PPP1R9A: variants seen among roughly 807,000 people sequenced by gnomAD.
The protein encoded by PPP1R9A is protein phosphatase 1 regulatory subunit 9A.
A neutral mutation model predicts 141.9 loss-of-function variants in PPP1R9A; 59 were observed. That is an observed-to-expected ratio of 0.42 (90% CI 0.34 to 0.52). The LOEUF is 0.52. Among genes scored for constraint, PPP1R9A ranks in the 20% least tolerant of loss-of-function variants. The probability of loss-of-function intolerance (pLI) is 0.10; values close to 1 mark genes in which losing one functional copy is unlikely to be tolerated. For missense variants in PPP1R9A, 1,444 were observed against 1,611.9 expected (o/e 0.90, Z 1.78); for synonymous variants, 500 against 569.7 (o/e 0.88, Z 1.74).
chr7:95,215,224 G>GT (rs1184766585), intron 7 of PPP1R9A, among the ~76,000 whole-genome samples: 36 of 147,200 alleles, frequency 2.4e-4, no homozygotes, highest in Admixed American at 1.3e-3. Flanking sequence ...TGCGGTGTTT[G>GT]TTTTTTTTGT....
chr7:95,268,826 A>G, intron 13 of PPP1R9A, 119 bp downstream of exon 13: 3 of 1,188,984 alleles, frequency 2.5e-6, no homozygotes, highest in Non-Finnish European at 3.5e-6. Context: ...GTAAGCAGCT[A>G]GAATAGTTCA....
intron 5 of PPP1R9A, among the ~76,000 whole-genome samples, chr7:95,180,688 A>T (rs1218725743): frequency 6.6e-6 from 1 of 152,082 alleles, no homozygotes; most frequent in Non-Finnish European, 1.5e-5. Flanking sequence ...CAAGAAAAAA[A>T]ATCCCATCAA....
intron 2 of PPP1R9A, among the ~76,000 whole-genome samples, chr7:94,945,615 G>A (rs974709291): frequency 2.0e-5 from 3 of 151,960 alleles, no homozygotes; most frequent in African/African-American, 7.2e-5. Context: ...CTATTACAGT[G>A]TATCAGTTGA....
At chr7:94,930,556 C>T (rs897752567) in intron 2 of PPP1R9A, among the ~76,000 whole-genome samples, 9 of 152,124 alleles carry the variant, frequency 5.9e-5, no homozygotes, top group African/African-American at 2.2e-4. Context: ...TCAGGCCAGT[C>T]TCCAACTCCT....
intron 16 of PPP1R9A, 46 bp downstream of exon 16, chr7:95,274,214 T>G (rs749281550): frequency 6.9e-7 from 1 of 1,447,674 alleles, no homozygotes; most frequent in African/African-American, 1.4e-5. Context: ...TACCTAAACT[T>G]TCTGGCCCCC....
intron 2 of PPP1R9A, among the ~76,000 whole-genome samples, chr7:95,026,465 G>T (rs1286736805): frequency 6.6e-6 from 1 of 152,100 alleles, no homozygotes; most frequent in African/African-American, 2.4e-5. Flanking sequence ...GTCCTAGAGG[G>T]GCACCCTCCA....
chr7:95,039,381 C>T (rs1584396404), intron 2 of PPP1R9A, among the ~76,000 whole-genome samples: 1 of 151,868 alleles, frequency 6.6e-6, no homozygotes, highest in East Asian at 2.0e-4. Flanking sequence ...CCAGGCTGGC[C>T]AACATGGTGA....
chr7:95,269,610 AATTAAT>A (rs1474646963), intron 14 of PPP1R9A, 103 bp downstream of exon 14: 4 of 830,764 alleles, frequency 4.8e-6, no homozygotes, highest in Admixed American at 3.3e-5. Context: ...CATAGCTAAT[AATTAAT>A]ATTAATTTCT....
intron 5 of PPP1R9A, among the ~76,000 whole-genome samples, chr7:95,181,573 A>G (rs1044752618): frequency 1.4e-5 from 2 of 138,994 alleles, no homozygotes; most frequent in African/African-American, 5.2e-5. Flanking sequence ...ATATATATAT[A>G]TTCCATCACA....
chr7:95,066,462 A>C (rs1054457813), intron 2 of PPP1R9A, among the ~76,000 whole-genome samples: 1 of 152,214 alleles, frequency 6.6e-6, no homozygotes, highest in Non-Finnish European at 1.5e-5. Context: ...AAATGGGAGT[A>C]GAAGAGAATG....
intron 5 of PPP1R9A, among the ~76,000 whole-genome samples, chr7:95,192,868 A>G (rs1835707281): frequency 6.6e-6 from 1 of 152,070 alleles, no homozygotes. Flanking sequence ...CTAGTTGCAT[A>G]TATAATCTTA....
chr7:95,114,992 A>G (rs900558918), intron 3 of PPP1R9A, among the ~76,000 whole-genome samples: 5 of 152,036 alleles, frequency 3.3e-5, no homozygotes, highest in Non-Finnish European at 7.4e-5. Context: ...CTTGAAAAGC[A>G]AAAAATGGAC....
At chr7:95,185,598 T>C (rs1437238238) in intron 5 of PPP1R9A, among the ~76,000 whole-genome samples, 1 of 149,992 alleles carries the variant, frequency 6.7e-6, no homozygotes, top group East Asian at 2.0e-4. Flanking sequence ...CATGAACTCT[T>C]TGCCTAAGCC....
rs542292053 is a variant in PPP1R9A, at chr7:94,952,967, G to T, written c.1395+41459G>T. On this transcript the variant is annotated intron_variant, in intron 2 of 19. Coordinates refer to ENST00000433360, the MANE Select transcript of PPP1R9A (RefSeq NM_001166160.2). ...GCAGAAGCTCTTTAGTTTAACTGGAGCCCATTTGTCAATTTTGGCTTTTGT... is the reference window on the plus strand; with the variant it reads ...GCAGAAGCTCTTTAGTTTAACTGGATCCCATTTGTCAATTTTGGCTTTTGT... Among the ~76,000 whole-genome samples, 1,120 of 152,074 alleles carry T rather than the reference G, an allele frequency of 7.4e-3. 17 individuals are homozygous for T. The highest frequency in any genetic ancestry group is 0.025 in the African/African-American group (1,043 of 41,510).
chr7:95,162,994 T>A (rs1030204006), intron 5 of PPP1R9A, among the ~76,000 whole-genome samples: 1 of 152,194 alleles, frequency 6.6e-6, no homozygotes, highest in Non-Finnish European at 1.5e-5. Context: ...AACTGTGTGG[T>A]GCTCTCTGAG....
At chr7:94,978,871 A>C (rs1370701021) in intron 2 of PPP1R9A, among the ~76,000 whole-genome samples, 2 of 152,172 alleles carry the variant, frequency 1.3e-5, no homozygotes, top group African/African-American at 4.8e-5. Context: ...ATCTCAGCTC[A>C]CTACAACCTT....
rs557627522 is a variant in PPP1R9A at position 95,154,213 on chromosome 7, T to C, written c.1650-7654T>C. ...CTACCATAGGTTTTGGTAAGTTGTG[T>C]TTCCATTTTCATTTGTTTCAATAAA... On this transcript the variant is annotated intron_variant, in intron 4 of 19. Coordinates refer to ENST00000433360, the MANE Select transcript of PPP1R9A (RefSeq NM_001166160.2). 2.4e-3 allele frequency among the ~76,000 whole-genome samples: 371 copies of C among 152,206 alleles called. 2 individuals carry two copies. Among genetic ancestry groups the C allele is most frequent in the African/African-American group, 8.5e-3 (354 of 41,578 alleles).
intron 8 of PPP1R9A, among the ~76,000 whole-genome samples, chr7:95,238,914 A>T (rs918317487): frequency 6.6e-6 from 1 of 152,124 alleles, no homozygotes; most frequent in African/African-American, 2.4e-5. Flanking sequence ...ATCACTTCAT[A>T]AATAGTCTAT....
At chr7:95,033,659 T>C (rs1414840890) in intron 2 of PPP1R9A, among the ~76,000 whole-genome samples, 1 of 152,168 alleles carries the variant, frequency 6.6e-6, no homozygotes. Flanking sequence ...TCACATTAAG[T>C]CCTGAAAACT....
Sources: allele counts gnomAD v4.1 joint callset (sites outside exome capture counted in the v4.1 genomes callset), GRCh38; gene constraint gnomAD v4.1.1; transcripts MANE v1.5; gene names NCBI Gene and HGNC (gene_info 2026-07-23, HGNC 2026-07-21).